The following SH3BGR variants were observed in gnomAD, a reference collection of about 807,000 sequenced individuals.
The protein encoded by SH3BGR is SH3 domain-binding glutamic acid-rich protein.
Under a neutral mutation model 24.5 loss-of-function variants are expected in SH3BGR, and 29 were observed. The ratio of observed to expected loss-of-function variants is 1.18; its 90% CI spans 0.88 to 1.61. The LOEUF (loss-of-function observed/expected upper bound fraction) is 1.61. Ranked by LOEUF, SH3BGR falls within the 40% of genes most tolerant of loss-of-function variation. The pLI is 0.00. For synonymous variants in SH3BGR, 55 were observed against 65.7 expected, an observed-to-expected ratio of 0.84 and a Z score of 0.79; for missense variants, 162 against 205.8, an observed-to-expected ratio of 0.79 and a Z score of 1.30.
intron 6 of SH3BGR, among the ~76,000 whole-genome samples, chr21:39,514,087 G>A (rs935626533): frequency 9.2e-5 from 14 of 152,272 alleles, no homozygotes; most frequent in African/African-American, 3.4e-4. Flanking sequence ...AGGTCAAAAT[G>A]TCTGACAGTG....
At chr21:39,505,534 G>T (rs572192546) in intron 4 of SH3BGR, among the ~76,000 whole-genome samples, 1 of 152,088 alleles carries the variant, frequency 6.6e-6, no homozygotes, top group Non-Finnish European at 1.5e-5. Context: ...AGGCTGAAGC[G>T]GGTGAATCAC....
At chr21:39,461,138 T>TA (rs981604334) in intron 1 of SH3BGR, among the ~76,000 whole-genome samples, 5 of 146,910 alleles carry the variant, frequency 3.4e-5, no homozygotes, top group African/African-American at 1.3e-4. Context: ...TTTGTAGATT[T>TA]TTTTTTTTTT....
intron 2 of SH3BGR, among the ~76,000 whole-genome samples, chr21:39,466,846 A>G (rs2077851532): frequency 6.6e-6 from 1 of 152,318 alleles, no homozygotes; most frequent in African/African-American, 2.4e-5. Flanking sequence ...ATCACCATAG[A>G]TGTTGCAAAT....
chr21:39,508,972 C>A, intron 4 of SH3BGR, 26 bp from the exon 5 acceptor site: 1 of 1,572,654 alleles, frequency 6.4e-7, no homozygotes, highest in Non-Finnish European at 8.7e-7. Flanking sequence ...ATGTTTTTTT[C>A]TTTAATTTTG....
At chr21:39,499,019 G>A (rs2078445117) in intron 3 of SH3BGR, among the ~76,000 whole-genome samples, 1 of 152,186 alleles carries the variant, frequency 6.6e-6, no homozygotes, top group Non-Finnish European at 1.5e-5. Context: ...CAGCAGGAAG[G>A]AGAAGTGCTG....
At chr21:39,512,822 A>T (rs911579886) in intron 6 of SH3BGR, among the ~76,000 whole-genome samples, 6 of 152,140 alleles carry the variant, frequency 3.9e-5, no homozygotes, top group African/African-American at 1.4e-4. Flanking sequence ...AAAACAAAAC[A>T]AAACAAAACA....
chr21:39,450,172 T>TA (rs1432944721), upstream of SH3BGR, among the ~76,000 whole-genome samples: 1 of 152,182 alleles, frequency 6.6e-6, no homozygotes, highest in Non-Finnish European at 1.5e-5. Flanking sequence ...GAAAAAATAA[T>TA]ACGTACTGTA....
chr21:39,484,265 C>A (rs1238234574), intron 3 of SH3BGR, among the ~76,000 whole-genome samples: 1 of 152,170 alleles, frequency 6.6e-6, no homozygotes, highest in South Asian at 2.1e-4. Context: ...ATATTTACAT[C>A]CTCAGAGCCA....
At chr21:39,464,299 T>A (rs1435380027) in intron 2 of SH3BGR, among the ~76,000 whole-genome samples, 1 of 152,210 alleles carries the variant, frequency 6.6e-6, no homozygotes, top group African/African-American at 2.4e-5. Flanking sequence ...ATCAGCTCAC[T>A]GCAACCTCTA....
intron 1 of SH3BGR, among the ~76,000 whole-genome samples, chr21:39,453,647 C>T (rs1041533689): frequency 6.6e-6 from 1 of 152,182 alleles, no homozygotes; most frequent in East Asian, 1.9e-4. Context: ...CAATGTTCAT[C>T]CCAGGGTCTT....
chr21:39,473,525 G>T (rs1348165893), intron 2 of SH3BGR, among the ~76,000 whole-genome samples: 1 of 152,080 alleles, frequency 6.6e-6, no homozygotes, highest in Non-Finnish European at 1.5e-5. Flanking sequence ...CAGTATAAAA[G>T]AATAAAATTA....
At chr21:39,508,353 C>A (rs1010237392) in intron 4 of SH3BGR, among the ~76,000 whole-genome samples, 2 of 152,124 alleles carry the variant, frequency 1.3e-5, no homozygotes, top group African/African-American at 4.8e-5. Flanking sequence ...GGAGCTGTAA[C>A]CTGGTTATTT....
intron 1 of SH3BGR, among the ~76,000 whole-genome samples, chr21:39,456,177 G>T (rs192358847): frequency 6.6e-6 from 1 of 152,336 alleles, no homozygotes; most frequent in East Asian, 1.9e-4. Flanking sequence ...TGGTGAGGTG[G>T]CTTGGACCTG....
intron 2 of SH3BGR, among the ~76,000 whole-genome samples, chr21:39,464,374 C>T (rs1183232999): frequency 3.3e-5 from 5 of 152,150 alleles, no homozygotes; most frequent in African/African-American, 1.2e-4. Flanking sequence ...AGGCGTGTGC[C>T]ACTACGCCTG....
intron 1 of SH3BGR, among the ~76,000 whole-genome samples, chr21:39,459,891 C>T (rs774280641): frequency 1.3e-5 from 2 of 152,106 alleles, no homozygotes; most frequent in Non-Finnish European, 2.9e-5. Flanking sequence ...TTGTAAGTTT[C>T]TCCCTGTGGT....
intron 3 of SH3BGR, among the ~76,000 whole-genome samples, chr21:39,481,794 A>T (rs2078134664): frequency 6.6e-6 from 1 of 152,220 alleles, no homozygotes; most frequent in Non-Finnish European, 1.5e-5. Flanking sequence ...TAAATGATAG[A>T]ATTAGAAAAA....
chr21:39,471,306 G>T (rs894895482), intron 2 of SH3BGR, among the ~76,000 whole-genome samples: 6 of 152,184 alleles, frequency 3.9e-5, no homozygotes, highest in Non-Finnish European at 7.4e-5. Flanking sequence ...AATTGGCCAG[G>T]CGAGATGTTG....
At chr21:39,493,887 T>C (rs1449349917) in intron 3 of SH3BGR, among the ~76,000 whole-genome samples, 5 of 152,206 alleles carry the variant, frequency 3.3e-5, no homozygotes, top group African/African-American at 1.2e-4. Flanking sequence ...GTAAAAGTAG[T>C]TGAGATCTTG....
intron 3 of SH3BGR, among the ~76,000 whole-genome samples, chr21:39,485,252 A>G (rs1224835439): frequency 6.6e-6 from 1 of 152,266 alleles, no homozygotes; most frequent in Non-Finnish European, 1.5e-5. Flanking sequence ...GAAGGAAGAC[A>G]GATTCTTGTT....
Sources: allele counts gnomAD v4.1 joint callset (sites outside exome capture counted in the v4.1 genomes callset), GRCh38; gene constraint gnomAD v4.1.1; transcripts MANE v1.5; gene names NCBI Gene and HGNC (gene_info 2026-07-23, HGNC 2026-07-21).